PDS5A: variants seen among roughly 807,000 people sequenced by gnomAD.
PDS5A encodes PDS5 cohesin associated factor A.
PDS5A carries 42 observed loss-of-function variants against 167.1 expected under a neutral mutation model. The observed-to-expected ratio is 0.25, with a 90% CI of 0.20 to 0.33. The LOEUF (loss-of-function observed/expected upper bound fraction) is 0.33, where lower values mean the gene tolerates loss of function less well. Among genes scored for constraint, PDS5A ranks in the 10% least tolerant of loss-of-function variants. The pLI is 1.00. For synonymous variants in PDS5A, 553 were observed against 554.6 expected, an observed-to-expected ratio of 1.00 and a Z score of 0.04; for missense variants, 1,033 against 1,605.9, an observed-to-expected ratio of 0.64 and a Z score of 6.10.
At chr4:39,827,524 A>C (rs952004982) in intron 32 of PDS5A, among the ~76,000 whole-genome samples, 1 of 152,208 alleles carries the variant, frequency 6.6e-6, no homozygotes, top group Non-Finnish European at 1.5e-5. Context: ...TTACTAAAAA[A>C]AATTCATATT....
At chr4:39,942,652 C>G (rs1297474205) in intron 2 of PDS5A, among the ~76,000 whole-genome samples, 1 of 152,138 alleles carries the variant, frequency 6.6e-6, no homozygotes, top group Non-Finnish European at 1.5e-5. Flanking sequence ...TCCTGGACTC[C>G]TGGGCTCAAG....
chr4:39,938,775 T>C (rs1044749521), intron 2 of PDS5A, among the ~76,000 whole-genome samples: 11 of 148,664 alleles, frequency 7.4e-5, no homozygotes, highest in African/African-American at 2.5e-4. Flanking sequence ...ATCAAGACCA[T>C]CCTGGCCAAC....
chr4:39,882,410 T>A (rs888062357), intron 17 of PDS5A, among the ~76,000 whole-genome samples: 2 of 152,248 alleles, frequency 1.3e-5, no homozygotes, highest in African/African-American at 4.8e-5. Flanking sequence ...CTATCCTATA[T>A]GTTTTCTGGA....
chr4:39,844,026 T>C (rs543319709), intron 30 of PDS5A, among the ~76,000 whole-genome samples: 1 of 152,086 alleles, frequency 6.6e-6, no homozygotes, highest in Non-Finnish European at 1.5e-5. Context: ...GGTGCATGCC[T>C]GTAGTCCCAG....
intron 26 of PDS5A, among the ~76,000 whole-genome samples, chr4:39,852,066 C>G (rs1371651386): frequency 6.6e-6 from 1 of 152,126 alleles, no homozygotes; most frequent in African/African-American, 2.4e-5. Flanking sequence ...CTTGAAGTAA[C>G]TGGAAAAAAG....
chr4:39,943,343 T>G (rs1279718989), intron 2 of PDS5A, among the ~76,000 whole-genome samples: 1 of 152,158 alleles, frequency 6.6e-6, no homozygotes, highest in Non-Finnish European at 1.5e-5. Context: ...ACTTGATATA[T>G]AATTTATTAC....
chr4:39,860,830 G>A (rs1271633256), intron 26 of PDS5A, among the ~76,000 whole-genome samples: 1 of 152,138 alleles, frequency 6.6e-6, no homozygotes, highest in Non-Finnish European at 1.5e-5. Context: ...AGCACTTCAG[G>A]AAGCTGAGGC....
intron 23 of PDS5A, among the ~76,000 whole-genome samples, chr4:39,866,494 T>C (rs554143815): frequency 6.6e-6 from 1 of 152,332 alleles, no homozygotes; most frequent in South Asian, 2.1e-4. Flanking sequence ...GGATGCTCTT[T>C]GAAGGCAGGG....
intron 27 of PDS5A, among the ~76,000 whole-genome samples, 177 bp from the exon 28 acceptor site, chr4:39,849,147 C>G (rs1717895330): frequency 2.0e-5 from 3 of 152,050 alleles, no homozygotes. Flanking sequence ...AAATAAAAAT[C>G]CCTCTATATG....
At chr4:39,929,735 G>A (rs1011574466) in intron 2 of PDS5A, among the ~76,000 whole-genome samples, 2 of 149,708 alleles carry the variant, frequency 1.3e-5, no homozygotes, top group Non-Finnish European at 3.0e-5. Context: ...TATCATGAGT[G>A]TAAAATTTTA....
chr4:39,859,490 AT>A (rs1194158462), intron 26 of PDS5A, among the ~76,000 whole-genome samples: 3 of 152,194 alleles, frequency 2.0e-5, no homozygotes, highest in Non-Finnish European at 4.4e-5. Flanking sequence ...TAATTTAAAC[AT>A]TATGTTTAAA....
rs560143297 is a variant in PDS5A, at chr4:39,974,312, T to A, written c.138+2128A>T. Reference sequence around the variant, plus strand: ...TTCTTCACAGGTTCCATGAGTCATGTCAACAGAGCGGTTGCTAACACATCA... The same window carrying A: ...TTCTTCACAGGTTCCATGAGTCATGACAACAGAGCGGTTGCTAACACATCA... On this transcript the variant is annotated intron_variant, in intron 2 of 32. Transcript: ENST00000303538. 9.5e-6 allele frequency: 5 copies of A among 528,636 alleles called. No homozygotes were observed. In the East Asian group the frequency reaches 2.6e-4, roughly 28 times the overall value. The allele number at this position is 528,636 out of a possible 1,614,324, so 32.7% of individuals were successfully genotyped here.
rs1715001675 is a variant in PDS5A at position 39,823,088 on chromosome 4, A to T, written c.*2397T>A. On this transcript the variant is annotated 3_prime_UTR_variant, in exon 33 of 33. Coordinates refer to ENST00000303538, the MANE Select transcript of PDS5A (RefSeq NM_001100399.2). ...AATTCTGGCTTGTTGTTTTAGACAA[A>T]TACAAGAAGCTTCAAACTAGACACA... 1 of 152,654 alleles carries T rather than the reference A, an allele frequency of 6.6e-6. No individual in the cohort carries two copies. The allele number at this position is 152,654 out of a possible 1,614,324, so 9.5% of individuals were successfully genotyped here.
chr4:39,974,972 G>A (rs772411867), intron 2 of PDS5A, among the ~76,000 whole-genome samples: 29 of 151,956 alleles, frequency 1.9e-4, no homozygotes, highest in Admixed American at 2.6e-4. Context: ...TTAGCTGGGC[G>A]TGGTGGCAGG....
intron 26 of PDS5A, among the ~76,000 whole-genome samples, chr4:39,855,265 CT>C (rs1718442127): frequency 6.6e-6 from 1 of 152,164 alleles, no homozygotes; most frequent in East Asian, 1.9e-4. Flanking sequence ...AGAACTATAA[CT>C]TCAAGGTCTA....
At chr4:39,956,310 G>A (rs1047168153) in intron 2 of PDS5A, among the ~76,000 whole-genome samples, 11 of 151,644 alleles carry the variant, frequency 7.3e-5, no homozygotes, top group Admixed American at 1.3e-4. Flanking sequence ...CGGCCAACAT[G>A]CTGAAACCCT....
chr4:39,856,568 C>G (rs921402181), intron 26 of PDS5A, among the ~76,000 whole-genome samples: 1 of 152,132 alleles, frequency 6.6e-6, no homozygotes, highest in Non-Finnish European at 1.5e-5. Flanking sequence ...GTAATCCCAG[C>G]ACTTTGGGAG....
chr4:39,959,859 G>A (rs1729312598), intron 2 of PDS5A, among the ~76,000 whole-genome samples: 1 of 151,914 alleles, frequency 6.6e-6, no homozygotes, highest in African/African-American at 2.4e-5. Flanking sequence ...TGGAGGGCAA[G>A]GCAAGCAGAT....
intron 32 of PDS5A, among the ~76,000 whole-genome samples, chr4:39,834,163 C>T (rs993714294): frequency 7.3e-6 from 1 of 136,168 alleles, no homozygotes; most frequent in South Asian, 2.3e-4. Context: ...CTAGCCTGGG[C>T]AAGAGAGCCA....
Sources: gnomAD v4.1 joint callset for allele counts (sites outside exome capture counted in the v4.1 genomes callset) on GRCh38, gnomAD v4.1.1 for gene constraint, MANE v1.5 for transcripts, NCBI Gene and HGNC (gene_info 2026-07-23, HGNC 2026-07-21) for gene names.